SLCO5A1: variants seen among roughly 807,000 people sequenced by gnomAD.
The protein encoded by SLCO5A1 is organic anion transporter polypeptide-related protein 4.
In SLCO5A1, 39 loss-of-function variants were observed where a neutral mutation model predicts 65.1. That is an observed-to-expected ratio of 0.60 (90% CI 0.46 to 0.78). The LOEUF is 0.78. Among genes scored for constraint, SLCO5A1 ranks in the 30% least tolerant of loss-of-function variants. The pLI is 0.00. For missense variants in SLCO5A1, 1,029 were observed against 1,069.4 expected (o/e 0.96, Z 0.53); for synonymous variants, 438 against 415.7 (o/e 1.05, Z -0.65).
Position 69,683,384 on chromosome 8 carries a change from C to T in SLCO5A1, c.1623-1041G>A, listed in dbSNP as rs911099495. On this transcript the variant is annotated intron_variant, in intron 6 of 9. Coordinates refer to ENST00000260126, the MANE Select transcript of SLCO5A1 (RefSeq NM_030958.3). ...AACAAATATTTTGGAATGTCTGTTA[C>T]GTACCAGGTCTTATCTTTTTTGAAA... Among the ~76,000 whole-genome samples, 17 of 152,110 alleles carry T rather than the reference C, an allele frequency of 1.1e-4. No homozygotes were observed. The South Asian group carries it at 3.1e-3, about 28-fold the overall frequency.
intron 1 of SLCO5A1, chr8:69,834,347 GCT>G (rs1473530090): frequency 6.6e-6 from 1 of 152,444 alleles, no homozygotes; most frequent in African/African-American, 2.4e-5. Flanking sequence ...CCTTTGTGAT[GCT>G]GCTGAGAAAA....
intron 5 of SLCO5A1, among the ~76,000 whole-genome samples, chr8:69,736,290 A>G (rs1816550249): frequency 6.6e-6 from 1 of 152,224 alleles, no homozygotes; most frequent in South Asian, 2.1e-4. Context: ...TTTATTCTGT[A>G]GCCGACACCC....
intron 6 of SLCO5A1, among the ~76,000 whole-genome samples, chr8:69,688,672 A>C (rs1814105938): frequency 6.6e-6 from 1 of 152,064 alleles, no homozygotes; most frequent in African/African-American, 2.4e-5. Flanking sequence ...TGAACTCATC[A>C]TTTTTTATGG....
At chr8:69,753,681 T>C (rs1471396032) in intron 4 of SLCO5A1, among the ~76,000 whole-genome samples, 3 of 152,108 alleles carry the variant, frequency 2.0e-5, no homozygotes, top group African/African-American at 7.2e-5. Flanking sequence ...ACTTTATTTC[T>C]CCCTTTGAGT....
rs995269064 is a variant in SLCO5A1, at chr8:69,669,324, A to C, written c.*3545T>G. The stretch of plus-strand genomic sequence containing the variant: ...TTCATAAACGGTAATATATCAAAAA[A>C]TTGAAATGCTTTAATCTCACGATTT... On this transcript the variant is annotated 3_prime_UTR_variant, in exon 10 of 10. Transcript: ENST00000260126. 10 of 152,226 alleles carry C rather than the reference A, an allele frequency of 6.6e-5. No individual in the cohort carries two copies. The highest frequency in any genetic ancestry group is 1.2e-4 in the Non-Finnish European group (8 of 68,030). 9.4% of individuals were successfully genotyped at this position (152,226 alleles called of 1,614,324 possible). A position where few individuals can be genotyped will look rare whatever the true frequency, so the allele number is the denominator to read the frequency against.
At position 69,759,520 on chromosome 8, in the gene SLCO5A1, T is replaced by C. The variant is rs560127818; in HGVS notation, c.1040+2223A>G. 2.2e-4 allele frequency among the ~76,000 whole-genome samples: 34 copies of C among 152,292 alleles called. 1 individual carries two copies. The South Asian group carries it at 6.0e-3, about 27-fold the overall frequency. On this transcript the variant is annotated intron_variant, in intron 3 of 9. Coordinates refer to ENST00000260126, the MANE Select transcript of SLCO5A1 (RefSeq NM_030958.3). ...TAAGTACCATAACTACCTTCTTTTA[T>C]GGATTATAAAAACTGAGGCACAGAG...
At chr8:69,709,153 A>C (rs1384255171) in intron 5 of SLCO5A1, among the ~76,000 whole-genome samples, 1 of 152,194 alleles carries the variant, frequency 6.6e-6, no homozygotes, top group African/African-American at 2.4e-5. Context: ...TTTGCATATA[A>C]AAGGAAGAAG....
chr8:69,727,194 T>C (rs1389211866), intron 5 of SLCO5A1, among the ~76,000 whole-genome samples: 1 of 151,998 alleles, frequency 6.6e-6, no homozygotes, highest in East Asian at 1.9e-4. Context: ...GCTTTATAAA[T>C]AGTTGTGCAT....
At chr8:69,765,205 T>A (rs1818002797) in intron 2 of SLCO5A1, among the ~76,000 whole-genome samples, 1 of 151,976 alleles carries the variant, frequency 6.6e-6, no homozygotes, top group Non-Finnish European at 1.5e-5. Flanking sequence ...TGTATACAGA[T>A]ACATATATAT....
chr8:69,809,719 G>A (rs1305532356), intron 2 of SLCO5A1, among the ~76,000 whole-genome samples: 2 of 150,716 alleles, frequency 1.3e-5, no homozygotes, highest in African/African-American at 5.0e-5. Context: ...TACAGCTACC[G>A]ATCTAAGGAG....
At chr8:69,784,648 C>G (rs1258530871) in intron 2 of SLCO5A1, among the ~76,000 whole-genome samples, 3 of 151,440 alleles carry the variant, frequency 2.0e-5, no homozygotes, top group African/African-American at 7.3e-5. Context: ...ATTAGACAGG[C>G]ATGGTGGTGT....
At chr8:69,831,433 C>T (rs909864246) in intron 2 of SLCO5A1, among the ~76,000 whole-genome samples, 3 of 152,256 alleles carry the variant, frequency 2.0e-5, no homozygotes, top group Non-Finnish European at 4.4e-5. Context: ...ATTCCTTCCT[C>T]AACAAGTGTA....
intron 4 of SLCO5A1, among the ~76,000 whole-genome samples, chr8:69,752,801 T>G (rs1421940596): frequency 1.3e-5 from 2 of 152,170 alleles, no homozygotes; most frequent in East Asian, 3.9e-4. Flanking sequence ...GCTGCAGAAG[T>G]AGGATCAGTC....
At chr8:69,819,450 C>G (rs1172503829) in intron 2 of SLCO5A1, among the ~76,000 whole-genome samples, 2 of 152,142 alleles carry the variant, frequency 1.3e-5, no homozygotes, top group South Asian at 4.1e-4. Flanking sequence ...TCCACTTGCA[C>G]AAAGATATGA....
At chr8:69,730,677 T>C (rs1261982237) in intron 5 of SLCO5A1, among the ~76,000 whole-genome samples, 2 of 152,168 alleles carry the variant, frequency 1.3e-5, no homozygotes, top group East Asian at 3.8e-4. Context: ...TAACTATGGG[T>C]CCTAAGTGGT....
intron 5 of SLCO5A1, among the ~76,000 whole-genome samples, chr8:69,723,408 T>G (rs1815918789): frequency 6.6e-6 from 1 of 151,932 alleles, no homozygotes; most frequent in South Asian, 2.1e-4. Flanking sequence ...CAAGCCACCA[T>G]GCCCACCTAA....
At chr8:69,676,106 C>T (rs944368913) in intron 9 of SLCO5A1, among the ~76,000 whole-genome samples, 1 of 152,168 alleles carries the variant, frequency 6.6e-6, no homozygotes, top group Non-Finnish European at 1.5e-5. Flanking sequence ...AAGGCAGTCC[C>T]TATATGTCAC....
Position 69,832,631 on chromosome 8 carries a change from G to A in SLCO5A1, c.43C>T (p.Leu15=). The A allele has an allele frequency of 6.2e-7, 1 of 1,608,984 alleles. No individual in the cohort carries two copies. The highest frequency in any genetic ancestry group is 8.5e-7 in the Non-Finnish European group (1 of 1,179,926). The part of the protein sequence containing the change: ...TGLQPGAGEQ[L]EAPATAEAVQ... ...GCTTCTGCAGTGGCCGGCGCCTCCA[G>A]CTGCTCTCCCGCCCCGGGCTGCAGT... The change falls in exon 2 of 10, where the codon CTG becomes TTG. Residue 15 remains leucine (L), a synonymous_variant. Coordinates refer to ENST00000260126, the MANE Select transcript of SLCO5A1 (RefSeq NM_030958.3). This position sits in a 1 kb window ranked among gnomAD's most constrained non-coding sequence, Gnocchi z 4.5.
In SLCO5A1 at chr8:69,800,066, A is replaced by T. The variant is rs937506640; in HGVS notation, c.907+31701T>A. Reference sequence around the variant, plus strand: ...GTTTACTGAAAGATCCACCAAATTGAACTATCTGTTGATAATTTGAAATTT... The same window carrying T: ...GTTTACTGAAAGATCCACCAAATTGTACTATCTGTTGATAATTTGAAATTT... On this transcript the variant is annotated intron_variant, in intron 2 of 9. Coordinates refer to ENST00000260126, the MANE Select transcript of SLCO5A1 (RefSeq NM_030958.3). Among the ~76,000 whole-genome samples the T allele has an allele frequency of 3.9e-4, 60 of 152,214 alleles. 1 individual carries two copies. Among genetic ancestry groups the T allele is most frequent in the Admixed American group, 5.2e-4 (8 of 15,294 alleles).
Sources: allele counts gnomAD v4.1 joint callset (sites outside exome capture counted in the v4.1 genomes callset), GRCh38; gene constraint gnomAD v4.1.1; non-coding constraint Gnocchi (gnomAD v3.1); transcripts MANE v1.5; gene names NCBI Gene and HGNC (gene_info 2026-07-23, HGNC 2026-07-21).